The following ADAM18 variants were observed in gnomAD, a reference collection of about 807,000 sequenced individuals.
ADAM18 encodes ADAM metallopeptidase domain 18, also known as disintegrin and metalloproteinase domain-containing protein 18.
ADAM18 carries 117 observed loss-of-function variants against 94.4 expected under a neutral mutation model. The observed-to-expected ratio is 1.24, with a 90% CI of 1.07 to 1.45. The LOEUF (loss-of-function observed/expected upper bound fraction) is 1.45, where lower values mean the gene tolerates loss of function less well. Among genes scored for constraint, ADAM18 ranks in the 40% most tolerant of loss-of-function variants. ADAM18 has a pLI of 0.00. For synonymous variants in ADAM18, 327 were observed against 291.6 expected (o/e 1.12, Z -1.24); for missense variants, 936 against 880.0 (o/e 1.06, Z -0.81).
chr8:39,609,353 C>T, intron 4 of ADAM18, 132 bp from the exon 5 acceptor site: 6 of 692,230 alleles, frequency 8.7e-6, no homozygotes, highest in Admixed American at 3.0e-5. Context: ...CTTTTTTTTT[C>T]TGAAAATATG....
intron 18 of ADAM18, among the ~76,000 whole-genome samples, chr8:39,713,595 A>G (rs995472807): frequency 6.6e-6 from 1 of 152,154 alleles, no homozygotes; most frequent in Non-Finnish European, 1.5e-5. Context: ...AATTTACAAG[A>G]AAAAAACAAA....
At chr8:39,672,398 G>A (rs1821180727) in intron 14 of ADAM18, among the ~76,000 whole-genome samples, 1 of 152,162 alleles carries the variant, frequency 6.6e-6, no homozygotes, top group Non-Finnish European at 1.5e-5. Context: ...GAAGCCAGAT[G>A]AATAATGTTG....
intron 18 of ADAM18, among the ~76,000 whole-genome samples, chr8:39,711,416 G>A (rs1458508581): frequency 6.6e-6 from 1 of 152,018 alleles, no homozygotes. Flanking sequence ...TTAATTGACA[G>A]AAATCATCCC....
At chr8:39,660,701 C>T (rs967552187) in intron 12 of ADAM18, among the ~76,000 whole-genome samples, 1 of 152,084 alleles carries the variant, frequency 6.6e-6, no homozygotes, top group African/African-American at 2.4e-5. Flanking sequence ...AGAAAATTAA[C>T]AAGAAAGTAC....
intron 17 of ADAM18, among the ~76,000 whole-genome samples, chr8:39,703,295 G>C (rs1266512645): frequency 3.3e-5 from 5 of 152,116 alleles, no homozygotes; most frequent in Non-Finnish European, 5.9e-5. Flanking sequence ...TGTTGTTGGT[G>C]TATCAGAATG....
intron 6 of ADAM18, among the ~76,000 whole-genome samples, chr8:39,617,549 A>G (rs1819479426): frequency 6.6e-6 from 1 of 152,206 alleles, no homozygotes; most frequent in Non-Finnish European, 1.5e-5. Flanking sequence ...TATACTTATC[A>G]TAGTACTATT....
intron 2 of ADAM18, among the ~76,000 whole-genome samples, chr8:39,596,217 A>T (rs1297016020): frequency 6.6e-6 from 1 of 152,218 alleles, no homozygotes; most frequent in Non-Finnish European, 1.5e-5. Context: ...ATTTCATAGT[A>T]TACATTAGTG....
At chr8:39,618,508 C>T (rs941381553) in intron 6 of ADAM18, among the ~76,000 whole-genome samples, 34 of 151,792 alleles carry the variant, frequency 2.2e-4, no homozygotes, top group African/African-American at 7.5e-4. Flanking sequence ...AACAGAAACA[C>T]AGTCTTTCCA....
At chr8:39,701,316 T>C (rs1373299562) in intron 17 of ADAM18, among the ~76,000 whole-genome samples, 4 of 151,612 alleles carry the variant, frequency 2.6e-5, no homozygotes, top group Admixed American at 6.6e-5. Context: ...TATTTGCTGA[T>C]ATATGTATTG....
chr8:39,661,319 A>ATTTTTTTTTTTTTTTTT (rs71518171), intron 12 of ADAM18, among the ~76,000 whole-genome samples: 2 of 112,852 alleles, frequency 1.8e-5, no homozygotes, highest in African/African-American at 8.2e-5. Flanking sequence ...CACCCGGCAA[A>ATTTTTTTTTTTTTTTTT]TTTTTTTTTT....
chr8:39,698,188 C>T (rs1821976768), intron 17 of ADAM18, among the ~76,000 whole-genome samples: 1 of 151,660 alleles, frequency 6.6e-6, no homozygotes, highest in South Asian at 2.1e-4. Context: ...TATTATTATT[C>T]CGCCATTTCT....
intron 17 of ADAM18, among the ~76,000 whole-genome samples, chr8:39,692,997 A>C (rs1821822941): frequency 6.6e-6 from 1 of 151,660 alleles, no homozygotes; most frequent in Non-Finnish European, 1.5e-5. Context: ...AAGGCATATG[A>C]GTATACAATA....
At chr8:39,605,409 T>A (rs979148477) in intron 2 of ADAM18, among the ~76,000 whole-genome samples, 1 of 152,186 alleles carries the variant, frequency 6.6e-6, no homozygotes, top group Non-Finnish European at 1.5e-5. Context: ...GGAGGTATAG[T>A]CTTCCTCACT....
chr8:39,586,158 T>C (rs1287245387), intron 2 of ADAM18, among the ~76,000 whole-genome samples: 2 of 152,200 alleles, frequency 1.3e-5, no homozygotes, highest in East Asian at 3.8e-4. Context: ...CTACCATGGC[T>C]ATGTTCTACT....
At chr8:39,595,247 T>C (rs1442371981) in intron 2 of ADAM18, among the ~76,000 whole-genome samples, 1 of 152,132 alleles carries the variant, frequency 6.6e-6, no homozygotes, top group Non-Finnish European at 1.5e-5. Context: ...GTGTTATTCA[T>C]TGTACCTAAC....
At position 39,729,925 on chromosome 8, in the gene ADAM18, T is replaced by C. The variant is rs368633576; in HGVS notation, c.2205T>C (p.Asp735=). Residue 735 remains aspartate, a synonymous_variant, in exon 20 of 20, where the codon GAT becomes GAC. Transcript: ENST00000265707. ...ATTCATCCGTTGTATCAGAAAGCGATGACGTGGGACATTAATATTGCACAG... is the reference window on the plus strand; with the variant it reads ...ATTCATCCGTTGTATCAGAAAGCGACGACGTGGGACATTAATATTGCACAG... ...NRNSSVVSES[D]DVGH is the part of the protein sequence containing the mutation. The C allele has an allele frequency of 1.3e-5, 21 of 1,613,452 alleles. No individual in the cohort carries two copies. The highest frequency in any genetic ancestry group is 1.7e-5 in the Non-Finnish European group (20 of 1,179,480).
chr8:39,720,809 A>G (rs1186933145), intron 18 of ADAM18, among the ~76,000 whole-genome samples: 1 of 151,408 alleles, frequency 6.6e-6, no homozygotes, highest in African/African-American at 2.4e-5. Flanking sequence ...ACTTAGGAAA[A>G]TCACTGGAAA....
intron 2 of ADAM18, among the ~76,000 whole-genome samples, chr8:39,593,411 A>G (rs1262603709): frequency 6.6e-6 from 1 of 152,188 alleles, no homozygotes; most frequent in African/African-American, 2.4e-5. Flanking sequence ...TTTTGTGTGG[A>G]ACCACAAAAT....
intron 17 of ADAM18, among the ~76,000 whole-genome samples, chr8:39,693,482 ACAATATCTCAACACAAAGTTATG>A (rs1386800863): frequency 2.6e-5 from 4 of 150,986 alleles, no homozygotes; most frequent in African/African-American, 7.3e-5. Context: ...ATTATTTTTT[ACAATATCTCAACACAAAGTTATG>A]CAATATCTCA....
Sources: gnomAD v4.1 joint callset for allele counts (sites outside exome capture counted in the v4.1 genomes callset) on GRCh38, gnomAD v4.1.1 for gene constraint, MANE v1.5 for transcripts, NCBI Gene and HGNC (gene_info 2026-07-23, HGNC 2026-07-21) for gene names.